The following FBXW9 variants were observed in gnomAD, a reference collection of about 807,000 sequenced individuals.
FBXW9 encodes F-box/WD repeat-containing protein 9.
FBXW9 carries 38 observed loss-of-function variants against 55.8 expected under a neutral mutation model. That is an observed-to-expected ratio of 0.68 (90% CI 0.53 to 0.89). FBXW9 has a LOEUF of 0.89. FBXW9 is among the 40% of genes least tolerant of loss of function. The pLI is 0.00. For synonymous variants in FBXW9, 289 were observed against 278.2 expected (o/e 1.04, Z -0.38); for missense variants, 590 against 619.4 (o/e 0.95, Z 0.50).
In FBXW9 at chr19:12,691,269, C is replaced by G. The variant is rs368017549; in HGVS notation, c.792-12G>C. On this transcript the variant is annotated splice_polypyrimidine_tract_variant and intron_variant, in intron 4 of 9. Coordinates refer to ENST00000393261, the MANE Select transcript of FBXW9 (RefSeq NM_032301.3). Reference sequence around the variant, plus strand: ...CGGCTGAGCTGGCCCTAGGGACACACAGACCACAGGGCTTTGGCTGTGGCC... The same window carrying G: ...CGGCTGAGCTGGCCCTAGGGACACAGAGACCACAGGGCTTTGGCTGTGGCC... 121 of 1,613,908 alleles carry G rather than the reference C, an allele frequency of 7.5e-5. No individual in the cohort carries two copies. Among genetic ancestry groups the G allele is most frequent in the Non-Finnish European group, 9.7e-5 (115 of 1,179,868 alleles).
At chr19:12,696,118 C>T in intron 1 of FBXW9, 55 bp downstream of exon 1, 6 of 1,476,358 alleles carry the variant, frequency 4.1e-6, no homozygotes, top group Non-Finnish European at 4.5e-6. Context: ...CCGCCCCAAG[C>T]CTGACCTGGG....
chr19:12,689,744 C>T lies in FBXW9; in HGVS notation c.1146+17G>A. On this transcript the variant is annotated intron_variant, in intron 7 of 9. Coordinates refer to ENST00000393261, the MANE Select transcript of FBXW9 (RefSeq NM_032301.3). The surrounding 1 kb of genome is among the most constrained non-coding windows in gnomAD (Gnocchi z 5.9). ...GCCCGGGGGGAGGGACAGTCAGGGG[C>T]AGGAGCTCCAGCAGACCCGGATAAG... 1 of 1,612,686 alleles carries T rather than the reference C, an allele frequency of 6.2e-7. No homozygotes were observed. Among genetic ancestry groups the T allele is most frequent in the Non-Finnish European group, 8.5e-7 (1 of 1,178,828 alleles).
chr19:12,689,309 A>G lies in FBXW9; in HGVS notation c.1303-19T>C, dbSNP rs766471569. On this transcript the variant is annotated intron_variant, in intron 9 of 9. Transcript: ENST00000393261. The surrounding 1 kb of genome is among the most constrained non-coding windows in gnomAD (Gnocchi z 5.9). ...CACAGACCTGGGAAGGGGGAGGAAC[A>G]TGAGGAGTCAGGGACGATGGCGCTC... 4 of 1,614,176 alleles carry G rather than the reference A, an allele frequency of 2.5e-6. No individual in the cohort carries two copies. The highest frequency in any genetic ancestry group is 4.5e-5 in the East Asian group (2 of 44,882).
In FBXW9 at chr19:12,689,706, G is replaced by A. The variant is rs768902783; in HGVS notation, c.1146+55C>T. On this transcript the variant is annotated intron_variant, in intron 7 of 9. Coordinates refer to ENST00000393261, the MANE Select transcript of FBXW9 (RefSeq NM_032301.3). This position sits in a 1 kb window ranked among gnomAD's most constrained non-coding sequence, Gnocchi z 5.9. ...CCCTCCCCCACACCACCAGGGGCTC[G>A]GGTAGGAAGGAAGCCCGGGGGGAGG... 26 of 1,607,438 alleles carry A rather than the reference G, an allele frequency of 1.6e-5. No homozygotes were observed. The highest frequency in any genetic ancestry group is 2.2e-5 in the East Asian group (1 of 44,824).
At position 12,696,574 on chromosome 19, in the gene FBXW9, A is replaced by T; in HGVS notation, c.8T>A (p.Leu3His). The change falls in exon 1 of 10, where the codon CTT becomes CAT. Residue 3 changes from leucine to histidine, a missense_variant. By Grantham distance (99) the Leu-to-His change is moderately conservative. Coordinates refer to ENST00000393261, the MANE Select transcript of FBXW9 (RefSeq NM_032301.3). ME[L>H]PLGRCDDSRT... ...GGAATCATCGCACCGCCCTAGGGGA[A>T]GCTCCATTGCGACCGGGTGGGCGCT... is the stretch of plus-strand genomic sequence containing the variant. 1.2e-6 allele frequency: 2 copies of T among 1,609,068 alleles called. No homozygotes were observed. The highest frequency in any genetic ancestry group is 1.7e-6 in the Non-Finnish European group (2 of 1,179,652).
In FBXW9 at chr19:12,694,662, G is replaced by T; in HGVS notation, c.610C>A (p.Gln204Lys). Reference protein sequence around the residue: ...DRNVNLWDLRQLGTESNQVLI... With the variant: ...DRNVNLWDLRKLGTESNQVLI... ...ACCTGGTTGGACTCCGTCCCCAGCT[G>T]CCGCAGGTCCCACAAGTTGACGTTG... The change falls in exon 3 of 10, where the codon CAG becomes AAG. Residue 204 changes from glutamine to lysine, a missense_variant. Physicochemically the swap from Gln to Lys is moderately conservative, Grantham distance 53. Coordinates refer to ENST00000393261, the MANE Select transcript of FBXW9 (RefSeq NM_032301.3). 1 of 1,614,190 alleles carries T rather than the reference G, an allele frequency of 6.2e-7. No homozygotes were observed.
Position 12,689,371 on chromosome 19 carries a change from C to T in FBXW9, c.1302+1G>A. 1 of 1,614,146 alleles carries T rather than the reference C, an allele frequency of 6.2e-7. No homozygotes were observed. Among genetic ancestry groups the T allele is most frequent in the Non-Finnish European group, 8.5e-7 (1 of 1,180,010 alleles). Reference sequence around the variant, plus strand: ...GCAGGGCACATGGGGCAGGACCTTACCCTATTGAGCCCATTGTCATGCCTT... The same window carrying T: ...GCAGGGCACATGGGGCAGGACCTTATCCTATTGAGCCCATTGTCATGCCTT... On this transcript the variant is annotated splice_donor_variant, in intron 9 of 9. Transcript: ENST00000393261. LOFTEE classifies it high-confidence loss of function. The surrounding 1 kb of genome is among the most constrained non-coding windows in gnomAD (Gnocchi z 5.9).
chr19:12,694,520 G>A lies in FBXW9; in HGVS notation c.678+74C>T. 9 of 1,531,580 alleles carry A rather than the reference G, an allele frequency of 5.9e-6. No homozygotes were observed. In the South Asian group the frequency reaches 1.1e-4, roughly 18 times the overall value. The allele number at this position is 1,531,580 out of a possible 1,614,324, so 94.9% of individuals were successfully genotyped here. A position where few individuals can be genotyped will look rare whatever the true frequency, so the allele number is the denominator to read the frequency against. On this transcript the variant is annotated intron_variant, in intron 3 of 9. Transcript: ENST00000393261. ...GTCAGATTCAAATCTATGCGGTCCTGTACCAAAACCTGGGGCCTTAACCAA... is the reference window on the plus strand; with the variant it reads ...GTCAGATTCAAATCTATGCGGTCCTATACCAAAACCTGGGGCCTTAACCAA...
rs2025072502 is a variant in FBXW9 at position 12,696,429 on chromosome 19, C to T, written c.153G>A (p.Ser51=). 17 of 1,611,992 alleles carry T rather than the reference C, an allele frequency of 1.1e-5. No homozygotes were observed. The highest frequency in any genetic ancestry group is 1.4e-5 in the Non-Finnish European group (17 of 1,179,754). ...PKSGLAFSRP[S]QLSTPAASPS... Reference sequence around the variant, plus strand: ...GGGACGCGGCGGGTGTGGATAGCTGCGAGGGGCGCGAGAACGCCAGCCCGG... The same window carrying T: ...GGGACGCGGCGGGTGTGGATAGCTGTGAGGGGCGCGAGAACGCCAGCCCGG... Residue 51 remains serine, a synonymous_variant, in exon 1 of 10, where the codon TCG becomes TCA. Coordinates refer to ENST00000393261, the MANE Select transcript of FBXW9 (RefSeq NM_032301.3).
rs747782249 is a variant in FBXW9, at chr19:12,689,152, C to T, written c.*64G>A. ...AGGCAGCACCAACATTGGGGATGGTCCCCCAAGAACAGAGGAGGAAGCCCA... is the reference window on the plus strand; with the variant it reads ...AGGCAGCACCAACATTGGGGATGGTTCCCCAAGAACAGAGGAGGAAGCCCA... On this transcript the variant is annotated 3_prime_UTR_variant, in exon 10 of 10. Coordinates refer to ENST00000393261, the MANE Select transcript of FBXW9 (RefSeq NM_032301.3). The surrounding 1 kb of genome is among the most constrained non-coding windows in gnomAD (Gnocchi z 5.9). The T allele has an allele frequency of 1.6e-6, 2 of 1,264,370 alleles. No homozygotes were observed. The highest frequency in any genetic ancestry group is 1.7e-5 in the Admixed American group (1 of 59,576). 78.3% of individuals were successfully genotyped at this position (1,264,370 alleles called of 1,614,324 possible). A position where few individuals can be genotyped will look rare whatever the true frequency, so the allele number is the denominator to read the frequency against.
At chr19:12,693,514 AAAAAAAAAAAAAAAAATATAT>A (rs2025030792) in intron 3 of FBXW9, among the ~76,000 whole-genome samples, 1 of 28,774 alleles carries the variant, frequency 3.5e-5, no homozygotes, top group Non-Finnish European at 6.7e-5. Flanking sequence ...AAAAAAAAAA[AAAAAAAAAAAAAAAAATATAT>A]ATATATATAT....
Position 12,696,487 on chromosome 19 carries a change from G to T in FBXW9, c.95C>A (p.Ala32Asp), listed in dbSNP as rs764394969. 1.2e-6 allele frequency: 2 copies of T among 1,612,814 alleles called. No individual in the cohort carries two copies. The highest frequency in any genetic ancestry group is 2.2e-5 in the South Asian group (2 of 91,090). Residue 32 changes from alanine (A) to aspartate (D), a missense_variant, in exon 1 of 10, where the codon GCC becomes GAC. Transcript: ENST00000393261. The stretch of plus-strand genomic sequence containing the variant: ...CGGACTGAGAACGCGGGCCACGTAG[G>T]CCTTGGCCTGCGCGTCTGGGTCTGT... Reference protein sequence around the residue: ...SETDPDAQAKAYVARVLSPPK... With the variant: ...SETDPDAQAKDYVARVLSPPK...
chr19:12,693,774 C>T (rs2025042923), intron 3 of FBXW9, among the ~76,000 whole-genome samples: 1 of 146,310 alleles, frequency 6.8e-6, no homozygotes, highest in African/African-American at 2.5e-5. Flanking sequence ...ACCTGTAATC[C>T]CAGTTACTTG....
At chr19:12,693,062 T>C (rs950316477) in intron 3 of FBXW9, among the ~76,000 whole-genome samples, 1 of 152,098 alleles carries the variant, frequency 6.6e-6, no homozygotes, top group Non-Finnish European at 1.5e-5. Flanking sequence ...GAGGGCAATA[T>C]TGTGTATCTC....
chr19:12,689,203 C>T lies in FBXW9; in HGVS notation c.*13G>A. The T allele has an allele frequency of 6.3e-7, 1 of 1,581,624 alleles. No individual in the cohort carries two copies. The highest frequency in any genetic ancestry group is 8.7e-7 in the Non-Finnish European group (1 of 1,150,412). On this transcript the variant is annotated 3_prime_UTR_variant, in exon 10 of 10. Transcript: ENST00000393261. The surrounding 1 kb of genome is among the most constrained non-coding windows in gnomAD (Gnocchi z 5.9). ...GCCTCCGGCAGGCAGTATCCACATC[C>T]ACGCCCACCTGCTCAGGCCTGCAGC...
rs372320171 is a variant in FBXW9 at position 12,694,904 on chromosome 19, C to T, written c.444G>A (p.Ala148=). The T allele has an allele frequency of 1.8e-5, 29 of 1,613,858 alleles. No homozygotes were observed. The East Asian group carries it at 2.9e-4, about 16-fold the overall frequency. Reference sequence around the variant, plus strand: ...CCCAGCGGGACAGGTGCTGCTCCAGCGCAATGCAGGCTGCCGGCCAGTCAA... The same window carrying T: ...CCCAGCGGGACAGGTGCTGCTCCAGTGCAATGCAGGCTGCCGGCCAGTCAA... ...KNFDWPAACI[A]LEQHLSRWAE... is the part of the protein sequence containing the mutation. The change falls in exon 2 of 10, where the codon GCG becomes GCA. Residue 148 remains alanine, a synonymous_variant. Transcript: ENST00000393261.
chr19:12,689,048 T>C lies in FBXW9; in HGVS notation c.*168A>G. On this transcript the variant is annotated 3_prime_UTR_variant, in exon 10 of 10. Transcript: ENST00000393261. The surrounding 1 kb of genome is among the most constrained non-coding windows in gnomAD (Gnocchi z 5.9). ...TGGGCCTGAACCCCAATTTCACCCT[T>C]CCCCCGGGCATAGGGCCCAGGCCAG... is the stretch of plus-strand genomic sequence containing the variant. 1 of 719,210 alleles carries C rather than the reference T, an allele frequency of 1.4e-6. No homozygotes were observed. Among genetic ancestry groups the C allele is most frequent in the Non-Finnish European group, 2.5e-6 (1 of 399,480 alleles). 44.6% of individuals were successfully genotyped at this position (719,210 alleles called of 1,614,324 possible).
intron 3 of FBXW9, 80 bp from the exon 4 acceptor site, chr19:12,691,534 A>T: frequency 7.9e-7 from 1 of 1,264,192 alleles, no homozygotes; most frequent in East Asian, 2.5e-5. Context: ...TTTTGCAGGT[A>T]AGGCTCAGAG....
Position 12,694,922 on chromosome 19 carries a change from CCAGT to C in FBXW9, c.422_425del (p.Asp141GlyfsTer72), listed in dbSNP as rs2025056072. The C allele has an allele frequency of 1.6e-5, 26 of 1,613,454 alleles. No individual in the cohort carries two copies. The highest frequency in any genetic ancestry group is 2.7e-5 in the African/African-American group (2 of 74,950). On this transcript the variant is annotated frameshift_variant, in exon 2 of 10. Coordinates refer to ENST00000393261, the MANE Select transcript of FBXW9 (RefSeq NM_032301.3). LOFTEE classifies it high-confidence loss of function. ...GCTCCAGCGCAATGCAGGCTGCCGG[CCAGT>C]CAAAGTTCTTCTCTGTGGGTTACCA...
Sources: allele counts gnomAD v4.1 joint callset (sites outside exome capture counted in the v4.1 genomes callset), GRCh38; gene constraint gnomAD v4.1.1; non-coding constraint Gnocchi (gnomAD v3.1); transcripts MANE v1.5; gene names NCBI Gene and HGNC (gene_info 2026-07-23, HGNC 2026-07-21).